Variants in ST8SIA6 observed in about 807,000 individuals in gnomAD.
ST8SIA6 encodes ST8 alpha-N-acetyl-neuraminide alpha-2,8-sialyltransferase 6.
A neutral mutation model predicts 33.6 loss-of-function variants in ST8SIA6; 39 were observed. The ratio of observed to expected loss-of-function variants is 1.16; its 90% CI spans 0.90 to 1.52. The LOEUF (loss-of-function observed/expected upper bound fraction) is 1.52, where lower values mean the gene tolerates loss of function less well. Ranked by LOEUF, ST8SIA6 falls within the 40% of genes most tolerant of loss-of-function variation. The pLI, the probability that ST8SIA6 is intolerant of heterozygous loss-of-function variation, is 0.00. For synonymous variants in ST8SIA6, 172 were observed against 167.2 expected (o/e 1.03, Z -0.22); for missense variants, 441 against 443.8 (o/e 0.99, Z 0.06).
At chr10:17,374,595 C>A (rs1849837895) in intron 3 of ST8SIA6, among the ~76,000 whole-genome samples, 1 of 151,494 alleles carries the variant, frequency 6.6e-6, no homozygotes, top group South Asian at 2.1e-4. Flanking sequence ...TGGTGGCGGG[C>A]ACCAGCTTCT....
chr10:17,453,589 G>C lies in ST8SIA6; in HGVS notation c.170C>G (p.Pro57Arg). 1.5e-6 allele frequency: 2 copies of C among 1,328,816 alleles called. No homozygotes were observed. Among genetic ancestry groups the C allele is most frequent in the Non-Finnish European group, 1.9e-6 (2 of 1,031,928 alleles). 82.3% of individuals were successfully genotyped at this position (1,328,816 alleles called of 1,614,324 possible). ...TPAALRTLRSPATAVPRATNS... is the reference protein window; with the variant it reads ...TPAALRTLRSRATAVPRATNS... ...AGTGGCGCGCGGTACCGCGGTCGCC[G>C]GGCTCCGGAGCGTCCTCAGCGCTGC... Residue 57 changes from proline to arginine, a missense_variant, in exon 2 of 8, where the codon CCG becomes CGG. Transcript: ENST00000377602.
chr10:17,427,101 C>G (rs182205962), intron 2 of ST8SIA6, among the ~76,000 whole-genome samples: 1 of 94,886 alleles, frequency 1.1e-5, no homozygotes, highest in African/African-American at 5.3e-5. Flanking sequence ...AAGACTGTGT[C>G]TGAAAAAAAA....
At chr10:17,437,610 T>TTTCCTTCC (rs374960462) in intron 2 of ST8SIA6, among the ~76,000 whole-genome samples, 20 of 98,020 alleles carry the variant, frequency 2.0e-4, no homozygotes, top group African/African-American at 9.2e-4. Context: ...GGACCCCCTG[T>TTTCCTTCC]TTCCTTCCTT....
At chr10:17,435,569 T>TG (rs1852224963) in intron 2 of ST8SIA6, among the ~76,000 whole-genome samples, 1 of 152,144 alleles carries the variant, frequency 6.6e-6, no homozygotes, top group Non-Finnish European at 1.5e-5. Flanking sequence ...TAGGAACAGT[T>TG]GAATAATTGC....
At position 17,390,568 on chromosome 10, in the gene ST8SIA6, G is replaced by C. The variant is rs1325729836; in HGVS notation, c.253C>G (p.Gln85Glu). The change falls in exon 3 of 8, where the codon CAA becomes GAA. Residue 85 changes from glutamine (Q) to glutamate (E), a missense_variant. Physicochemically the swap from Gln to Glu is conservative, Grantham distance 29. Transcript: ENST00000377602. Reference sequence around the variant, plus strand: ...TTAGAGAAAGACTCAATGCCATATTGCAGATTTTTGCATTTCTCCGTCAGT... The same window carrying C: ...TTAGAGAAAGACTCAATGCCATATTCCAGATTTTTGCATTTCTCCGTCAGT... ...LQLTEKCKNL[Q>E]YGIESFSNKT... The C allele has an allele frequency of 2.5e-6, 4 of 1,613,966 alleles. No individual in the cohort carries two copies. The African/African-American group carries it at 5.3e-5, about 22-fold the overall frequency.
rs139179307 is a variant in ST8SIA6 at position 17,331,458 on chromosome 10, T to A, written c.472A>T (p.Ser158Cys). 226 of 1,613,778 alleles carry A rather than the reference T, an allele frequency of 1.4e-4. No homozygotes were observed. In the African/African-American group the frequency reaches 2.8e-3, roughly 20 times the overall value. ...VGTNMSYEVE[S>C]KKEIPIKKNI... Reference sequence around the variant, plus strand: ...TTCTTAATTGGGATTTCTTTTTTGCTTTCCACCTCGTAACTCATATTAGTC... The same window carrying A: ...TTCTTAATTGGGATTTCTTTTTTGCATTCCACCTCGTAACTCATATTAGTC... Residue 158 changes from serine to cysteine, a missense_variant, in exon 5 of 8, where the codon AGC becomes TGC. Coordinates refer to ENST00000377602, the MANE Select transcript of ST8SIA6 (RefSeq NM_001004470.3).
chr10:17,349,557 T>G (rs1305986305), intron 4 of ST8SIA6, among the ~76,000 whole-genome samples: 2 of 152,194 alleles, frequency 1.3e-5, no homozygotes, highest in African/African-American at 4.8e-5. Context: ...ATAAAGACAC[T>G]GGCTAGGAAA....
Position 17,390,607 on chromosome 10 carries a change from C to G in ST8SIA6, c.214G>C (p.Glu72Gln). ...PRATNSTYLN[E>Q]KSLQLTEKCK... is the part of the protein sequence containing the mutation. ...TTCTCCGTCAGTTGGAGCGACTTCT[C>G]ATTCAGATATGTGCTGTTTCATGAA... The change falls in exon 3 of 8, where the codon GAG (glutamate) becomes CAG (glutamine). Residue 72 changes from glutamate (E) to glutamine (Q), a missense_variant. By Grantham distance (29) the Glu-to-Gln change is conservative. Coordinates refer to ENST00000377602, the MANE Select transcript of ST8SIA6 (RefSeq NM_001004470.3). The G allele has an allele frequency of 6.2e-7, 1 of 1,613,628 alleles. No individual in the cohort carries two copies. Among genetic ancestry groups the G allele is most frequent in the South Asian group, 1.1e-5 (1 of 91,022 alleles).
At chr10:17,442,790 A>G (rs912453070) in intron 2 of ST8SIA6, among the ~76,000 whole-genome samples, 3 of 152,214 alleles carry the variant, frequency 2.0e-5, no homozygotes, top group Admixed American at 2.0e-4. Context: ...GTTATTTTAT[A>G]TGCTTACACA....
At chr10:17,442,063 T>C (rs1852517988) in intron 2 of ST8SIA6, among the ~76,000 whole-genome samples, 1 of 152,052 alleles carries the variant, frequency 6.6e-6, no homozygotes, top group Non-Finnish European at 1.5e-5. Context: ...GAGATGGGGT[T>C]TCCTCATGTT....
intron 4 of ST8SIA6, among the ~76,000 whole-genome samples, chr10:17,339,320 C>A (rs1245683465): frequency 6.6e-6 from 1 of 152,130 alleles, no homozygotes; most frequent in Non-Finnish European, 1.5e-5. Context: ...GGCTCCCAGG[C>A]ACCTCTTCTG....
chr10:17,433,352 C>T (rs1042773154), intron 2 of ST8SIA6, among the ~76,000 whole-genome samples: 3 of 152,204 alleles, frequency 2.0e-5, no homozygotes, highest in Admixed American at 2.0e-4. Flanking sequence ...CAGGGCATCA[C>T]TAATTTATTT....
At chr10:17,341,893 T>C (rs1588807978) in intron 4 of ST8SIA6, among the ~76,000 whole-genome samples, 3 of 76,482 alleles carry the variant, frequency 3.9e-5, no homozygotes, top group African/African-American at 1.1e-4. Context: ...AGAGCAAGGC[T>C]CCATCTCAAA....
intron 4 of ST8SIA6, among the ~76,000 whole-genome samples, chr10:17,333,169 G>A (rs1238221333): frequency 6.6e-6 from 1 of 152,024 alleles, no homozygotes; most frequent in Non-Finnish European, 1.5e-5. Flanking sequence ...AAATACCTAG[G>A]AATATAGCTT....
chr10:17,432,463 A>G lies in ST8SIA6; in HGVS notation c.200+21096T>C, dbSNP rs555448505. Among the ~76,000 whole-genome samples, 160 of 152,170 alleles carry G rather than the reference A, an allele frequency of 1.1e-3. 1 individual carries two copies. The highest frequency in any genetic ancestry group is 1.9e-3 in the Non-Finnish European group (127 of 68,042). ...GTAATGCGTACGAATGTGAATTTCAAGAGACTACCTGCGTTTATGATACAT... is the reference window on the plus strand; with the variant it reads ...GTAATGCGTACGAATGTGAATTTCAGGAGACTACCTGCGTTTATGATACAT... On this transcript the variant is annotated intron_variant, in intron 2 of 7. Coordinates refer to ENST00000377602, the MANE Select transcript of ST8SIA6 (RefSeq NM_001004470.3).
At chr10:17,417,087 G>T (rs1851629733) in intron 2 of ST8SIA6, among the ~76,000 whole-genome samples, 1 of 152,154 alleles carries the variant, frequency 6.6e-6, no homozygotes, top group Admixed American at 6.5e-5. Context: ...TCTGGTGAGG[G>T]ATTCAGGAAG....
chr10:17,447,338 G>A (rs111842317), intron 2 of ST8SIA6, among the ~76,000 whole-genome samples: 2,058 of 151,970 alleles, frequency 0.014, 25 homozygotes, highest in Non-Finnish European at 0.022. Context: ...CCCAGGAGGC[G>A]GAGGTTGCAG....
In ST8SIA6 at chr10:17,321,117, G is replaced by A. The variant is rs149009135; in HGVS notation, c.958C>T (p.Arg320Cys). 33 of 1,613,896 alleles carry A rather than the reference G, an allele frequency of 2.0e-5. No individual in the cohort carries two copies. The highest frequency in any genetic ancestry group is 1.1e-4 in the African/African-American group (8 of 74,862). Residue 320 changes from arginine (R) to cysteine (C), a missense_variant, in exon 8 of 8, where the codon CGC becomes TGC. Coordinates refer to ENST00000377602, the MANE Select transcript of ST8SIA6 (RefSeq NM_001004470.3). ...GTGATCATCAAGCCGGTGGACAAGC[G>A]GTATGCAGTCACACCTTTAGTTCTC... is the stretch of plus-strand genomic sequence containing the variant. ...FWRTKGVTAY[R>C]LSTGLMITSV...
At chr10:17,397,850 A>G (rs188707392) in intron 2 of ST8SIA6, among the ~76,000 whole-genome samples, 4 of 152,192 alleles carry the variant, frequency 2.6e-5, no homozygotes, top group Non-Finnish European at 5.9e-5. Flanking sequence ...GAAAAAAAAG[A>G]TACACAAAAA....
Sources: gnomAD v4.1 joint callset for allele counts (sites outside exome capture counted in the v4.1 genomes callset) on GRCh38, gnomAD v4.1.1 for gene constraint, MANE v1.5 for transcripts, NCBI Gene and HGNC (gene_info 2026-07-23, HGNC 2026-07-21) for gene names.